MCF2L: variants seen among roughly 807,000 people sequenced by gnomAD.
MCF2L encodes guanine nucleotide exchange factor DBS.
A neutral mutation model predicts 153.4 loss-of-function variants in MCF2L; 97 were observed. That is an observed-to-expected ratio of 0.63 (90% CI 0.54 to 0.75). The LOEUF (loss-of-function observed/expected upper bound fraction) is 0.75, where lower values mean the gene tolerates loss of function less well. Ranked by LOEUF, MCF2L falls within the 30% of genes least tolerant of loss-of-function variation. The pLI is 0.00. For synonymous variants in MCF2L, 659 were observed against 632.2 expected, an observed-to-expected ratio of 1.04 and a Z score of -0.64; for missense variants, 1,347 against 1,495.2, an observed-to-expected ratio of 0.90 and a Z score of 1.64.
At chr13:113,018,038 A>C (rs3011524) in intron 2 of MCF2L, among the ~76,000 whole-genome samples, 19,887 of 152,206 alleles carry the variant, frequency 0.13, 1,511 homozygotes, top group East Asian at 0.34. Flanking sequence ...CCACTGTGAC[A>C]TGTGCGGTCC....
At chr13:112,919,321 T>G (rs910687888) in intron 2 of MCF2L, among the ~76,000 whole-genome samples, 5 of 147,994 alleles carry the variant, frequency 3.4e-5, no homozygotes, top group African/African-American at 1.2e-4. Flanking sequence ...TTCTCCTGCC[T>G]CAGCCTCCCA....
At chr13:113,032,222 G>C (rs1367080539) in intron 3 of MCF2L, among the ~76,000 whole-genome samples, 1 of 152,230 alleles carries the variant, frequency 6.6e-6, no homozygotes, top group Non-Finnish European at 1.5e-5. Flanking sequence ...CTGGAGGGCA[G>C]CTGGACCCCA....
chr13:112,971,769 G>T (rs2082044912), intron 1 of MCF2L, among the ~76,000 whole-genome samples: 1 of 152,222 alleles, frequency 6.6e-6, no homozygotes, highest in Admixed American at 6.5e-5. Context: ...AAGGCCAGGG[G>T]CACTTTCCAG....
intron 2 of MCF2L, among the ~76,000 whole-genome samples, chr13:112,902,788 C>T (rs766909318): frequency 2.6e-5 from 4 of 152,222 alleles, no homozygotes; most frequent in East Asian, 1.9e-4. Flanking sequence ...TTCATATTAA[C>T]ATGGCAAAGC....
intron 2 of MCF2L, chr13:112,909,295 T>G: frequency 1.3e-6 from 1 of 779,724 alleles, no homozygotes; most frequent in South Asian, 1.3e-5. Flanking sequence ...GTCCTGCCAG[T>G]CTCGGGAGGC....
chr13:112,995,921 G>A (rs1478531493), intron 1 of MCF2L, among the ~76,000 whole-genome samples: 1 of 152,208 alleles, frequency 6.6e-6, no homozygotes, highest in African/African-American at 2.4e-5. Flanking sequence ...ACCGGGGAGT[G>A]ATGCCGGGTG....
intron 15 of MCF2L, among the ~76,000 whole-genome samples, chr13:113,080,464 C>T (rs1375777401): frequency 6.6e-6 from 1 of 152,202 alleles, no homozygotes; most frequent in Admixed American, 6.5e-5. Context: ...GGGGCCTCTG[C>T]GGGCCGACAG....
intron 1 of MCF2L, among the ~76,000 whole-genome samples, chr13:112,978,169 A>G (rs1005918384): frequency 3.9e-5 from 6 of 152,252 alleles, no homozygotes; most frequent in Admixed American, 6.5e-5. Context: ...GAGTCAGGTT[A>G]GGGCTGACCT....
rs751605602 is a variant in MCF2L at position 113,045,347 on chromosome 13, G to A, written c.355G>A (p.Val119Ile). 70 of 1,613,828 alleles carry A rather than the reference G, an allele frequency of 4.3e-5. No homozygotes were observed. Among genetic ancestry groups the A allele is most frequent in the Admixed American group, 4.0e-4 (24 of 60,012 alleles). ...RDKWTSVKAS[V>I]LRIAASFPAN... Reference sequence around the variant, plus strand: ...CAAATGGACCTCCGTGAAGGCGTCCGTCCTGCGCATCGCAGTAAGTGCCAC... The same window carrying A: ...CAAATGGACCTCCGTGAAGGCGTCCATCCTGCGCATCGCAGTAAGTGCCAC... The change falls in exon 4 of 30, where the codon GTC (valine) becomes ATC (isoleucine). Residue 119 changes from valine to isoleucine, a missense_variant. Transcript: ENST00000535094. This position sits in a 1 kb window ranked among gnomAD's most constrained non-coding sequence, Gnocchi z 4.2.
intron 2 of MCF2L, among the ~76,000 whole-genome samples, chr13:112,947,312 C>G (rs1376469500): frequency 2.0e-5 from 3 of 152,184 alleles, no homozygotes; most frequent in Non-Finnish European, 4.4e-5. Context: ...TTTTCACATG[C>G]AAAATACATT....
chr13:113,064,479 T>C lies in MCF2L; in HGVS notation c.606+59T>C. 1 of 1,090,672 alleles carries C rather than the reference T, an allele frequency of 9.2e-7. No homozygotes were observed. The highest frequency in any genetic ancestry group is 1.4e-6 in the Non-Finnish European group (1 of 714,746). The allele number at this position is 1,090,672 out of a possible 1,614,324, so 67.6% of individuals were successfully genotyped here. On this transcript the variant is annotated intron_variant, in intron 6 of 29. Coordinates refer to ENST00000535094, the MANE Select transcript of MCF2L (RefSeq NM_001112732.3). The surrounding 1 kb of genome is among the most constrained non-coding windows in gnomAD (Gnocchi z 6.0). ...TACCAGCTCGAGTACTTCCACAGAA[T>C]CGCTCTTGCATTACAACACGGCCCT... is the stretch of plus-strand genomic sequence containing the variant.
At chr13:112,967,816 C>G (rs2081915954), upstream of MCF2L, 1 of 153,930 alleles carries the variant, frequency 6.5e-6, no homozygotes, top group East Asian at 1.9e-4. Flanking sequence ...AATGCTGGTG[C>G]ATTGTTGCCG....
rs2035830975 is a variant in MCF2L, at chr13:113,099,269, C to T, written c.*2410C>T. ...AATGTTGACTGTCATGAAAAGTGAT[C>T]CCTGTTTGCCCCTAAACGTAGAGAA... On this transcript the variant is annotated 3_prime_UTR_variant, in exon 30 of 30. Transcript: ENST00000535094. The T allele has an allele frequency of 6.6e-6, 1 of 152,166 alleles. No homozygotes were observed. The highest frequency in any genetic ancestry group is 1.5e-5 in the Non-Finnish European group (1 of 68,030). 9.4% of individuals were successfully genotyped at this position (152,166 alleles called of 1,614,324 possible). A position where few individuals can be genotyped will look rare whatever the true frequency, so the allele number is the denominator to read the frequency against.
At chr13:113,033,189 A>C (rs113456072) in intron 3 of MCF2L, among the ~76,000 whole-genome samples, 1,699 of 8,498 alleles carry the variant, frequency 0.2, 14 homozygotes, top group Middle Eastern at 0.33. Context: ...ACGTGAGTGG[A>C]CCCCGTGACG....
chr13:113,048,451 T>TC (rs202168376), intron 4 of MCF2L, among the ~76,000 whole-genome samples: 2,472 of 148,148 alleles, frequency 0.017, 73 homozygotes, highest in African/African-American at 0.058. Flanking sequence ...TTTTTTTTTT[T>TC]TTTTTTTGAG....
chr13:113,014,658 C>T (rs753684187), intron 1 of MCF2L, 105 bp from the exon 2 acceptor site: 145 of 872,284 alleles, frequency 1.7e-4, no homozygotes, highest in Non-Finnish European at 2.3e-4. Context: ...ACGCCACTCC[C>T]GTAGGTGCCT....
chr13:112,959,117 C>G (rs764985112), intron 2 of MCF2L, among the ~76,000 whole-genome samples: 10 of 152,186 alleles, frequency 6.6e-5, no homozygotes. Flanking sequence ...TGAAAAGTTC[C>G]AGTTTAATTT....
Position 112,955,212 on chromosome 13 carries a change from G to A in MCF2L, c.169+52841G>A, listed in dbSNP as rs1271288895. Among the ~76,000 whole-genome samples, 5 of 152,190 alleles carry A rather than the reference G, an allele frequency of 3.3e-5. No homozygotes were observed. In the South Asian group the frequency reaches 6.2e-4, roughly 19 times the overall value. On this transcript the variant is annotated intron_variant, in intron 2 of 29. Coordinates refer to the MCF2L transcript ENST00000375608. Reference sequence around the variant, plus strand: ...CAGTGCTGGGTCCCCAGCATGAAGTGTCTGACACAGAGGAGGCCTCACACG... The same window carrying A: ...CAGTGCTGGGTCCCCAGCATGAAGTATCTGACACAGAGGAGGCCTCACACG...
At chr13:112,976,164 T>TTG (rs770299172) in intron 1 of MCF2L, among the ~76,000 whole-genome samples, 1 of 148,874 alleles carries the variant, frequency 6.7e-6, no homozygotes, top group African/African-American at 2.5e-5. Flanking sequence ...GTTTGCTTGT[T>TTG]TGTGTGTGTG....
Sources: gnomAD v4.1 joint callset for allele counts (sites outside exome capture counted in the v4.1 genomes callset) on GRCh38, gnomAD v4.1.1 for gene constraint, Gnocchi (gnomAD v3.1) non-coding constraint, MANE v1.5 for transcripts, NCBI Gene and HGNC (gene_info 2026-07-23, HGNC 2026-07-21) for gene names.